The following SP140L variants were observed in gnomAD, a reference collection of about 807,000 sequenced individuals.
SP140L encodes nuclear body protein SP140-like protein.
SP140L carries 64 observed loss-of-function variants against 84.3 expected under a neutral mutation model. The ratio of observed to expected loss-of-function variants is 0.76; its 90% CI spans 0.62 to 0.94. The LOEUF (loss-of-function observed/expected upper bound fraction) is 0.94, where lower values mean the gene tolerates loss of function less well. Ranked by LOEUF, SP140L falls within the 40% of genes least tolerant of loss-of-function variation. SP140L has a pLI of 0.00. For missense variants in SP140L, 628 were observed against 692.5 expected (o/e 0.91, Z 1.05); for synonymous variants, 242 against 236.9 (o/e 1.02, Z -0.20).
chr2:230,389,422 T>C (rs902308654), intron 10 of SP140L, among the ~76,000 whole-genome samples: 2 of 152,048 alleles, frequency 1.3e-5, no homozygotes, highest in African/African-American at 4.8e-5. Context: ...GAGGGGAAAA[T>C]GGAGCAAAGC....
intron 2 of SP140L, among the ~76,000 whole-genome samples, chr2:230,334,337 G>T (rs921798281): frequency 6.6e-6 from 1 of 152,154 alleles, no homozygotes; most frequent in Non-Finnish European, 1.5e-5. Context: ...TGAAATGTTT[G>T]GTTGTCTCTT....
intron 8 of SP140L, 36 bp from the exon 9 acceptor site, chr2:230,385,188 A>G: frequency 6.2e-7 from 1 of 1,607,568 alleles, no homozygotes. Context: ...TGTTCTGCCC[A>G]GTTCTATTAA....
chr2:230,330,866 A>G (rs2059706438), intron 2 of SP140L, among the ~76,000 whole-genome samples: 1 of 152,196 alleles, frequency 6.6e-6, no homozygotes, highest in Non-Finnish European at 1.5e-5. Flanking sequence ...GTGTGATGAA[A>G]TCTCACGCTG....
intron 7 of SP140L, among the ~76,000 whole-genome samples, chr2:230,373,340 A>G (rs1273838131): frequency 6.6e-6 from 1 of 152,240 alleles, no homozygotes; most frequent in Non-Finnish European, 1.5e-5. Flanking sequence ...AGGAGAAGTC[A>G]ATGCCTGGAT....
chr2:230,345,579 GTTC>G (rs2060183691), intron 2 of SP140L, among the ~76,000 whole-genome samples: 2 of 145,376 alleles, frequency 1.4e-5, no homozygotes, highest in African/African-American at 5.2e-5. Context: ...CTGTTTTGTA[GTTC>G]TTTTTTTTTT....
intron 16 of SP140L, 107 bp from the exon 17 acceptor site, chr2:230,401,259 T>C: frequency 6.3e-7 from 1 of 1,589,572 alleles, no homozygotes; most frequent in Non-Finnish European, 8.6e-7. Context: ...GAGCCACACA[T>C]GTTAGAGAAA....
rs771867082 is a variant in SP140L, at chr2:230,401,461, C to T, written c.1500+18C>T. 7.0e-7 allele frequency: 1 copy of T among 1,436,826 alleles called. No homozygotes were observed. The highest frequency in any genetic ancestry group is 2.3e-5 in the East Asian group (1 of 43,766). 89.0% of individuals were successfully genotyped at this position (1,436,826 alleles called of 1,614,324 possible). On this transcript the variant is annotated intron_variant, in intron 17 of 18. Transcript: ENST00000415673. Reference sequence around the variant, plus strand: ...ATTATTATGTAAGTAACAACAGCAACCCATGATTACAGGCTGCCATGACAT... The same window carrying T: ...ATTATTATGTAAGTAACAACAGCAATCCATGATTACAGGCTGCCATGACAT...
chr2:230,361,616 A>C lies in SP140L; in HGVS notation c.442A>C (p.Ile148Leu). 1 of 1,557,662 alleles carries C rather than the reference A, an allele frequency of 6.4e-7. No homozygotes were observed. Among genetic ancestry groups the C allele is most frequent in the Non-Finnish European group, 8.7e-7 (1 of 1,149,584 alleles). Residue 148 changes from isoleucine (I) to leucine (L), a missense_variant and splice_region_variant, in exon 5 of 19, where the codon ATC becomes CTC. Physicochemically the swap from Ile to Leu is conservative, Grantham distance 5. Coordinates refer to ENST00000415673, the MANE Select transcript of SP140L (RefSeq NM_138402.6). ...IHIYKSFKNA[I>L]QDKLSFQESD... ...TTCTTCTCTCTCCCACTCTTCAGCA[A>C]TCCAAGACAAATTGTCTTTCCAAGA...
chr2:230,402,965 C>A lies in SP140L; in HGVS notation c.*69C>A. On this transcript the variant is annotated 3_prime_UTR_variant, in exon 19 of 19. Transcript: ENST00000415673. ...GTTGCCACTGACTTCAAACTGAGAG[C>A]ACTTGGGAAATAGCACATGCAGGGA... 3 of 1,304,902 alleles carry A rather than the reference C, an allele frequency of 2.3e-6. No individual in the cohort carries two copies. The highest frequency in any genetic ancestry group is 2.2e-5 in the Admixed American group (1 of 44,898). 80.8% of individuals were successfully genotyped at this position (1,304,902 alleles called of 1,614,324 possible).
intron 5 of SP140L, among the ~76,000 whole-genome samples, chr2:230,369,145 A>G (rs536610788): frequency 6.6e-6 from 1 of 152,346 alleles, no homozygotes; most frequent in East Asian, 1.9e-4. Flanking sequence ...TAGGAATTAC[A>G]TCTTGCATAG....
Position 230,400,126 on chromosome 2 carries a change from G to C in SP140L, c.1198-1G>C, listed in dbSNP as rs781390160. On this transcript the variant is annotated splice_acceptor_variant, in intron 14 of 18. Coordinates refer to ENST00000415673, the MANE Select transcript of SP140L (RefSeq NM_138402.6). LOFTEE classifies it high-confidence loss of function. ...GACGTGGACACTGTTTTACCTTCTA[G>C]ATGAGAAACTTGGATGAGTGTGAGG... The C allele has an allele frequency of 6.2e-6, 10 of 1,614,096 alleles. No homozygotes were observed. The highest frequency in any genetic ancestry group is 8.5e-6 in the Non-Finnish European group (10 of 1,179,998).
intron 4 of SP140L, 109 bp downstream of exon 4, chr2:230,359,241 G>C (rs924759069): frequency 2.1e-6 from 2 of 964,614 alleles, no homozygotes; most frequent in Admixed American, 5.0e-5. Context: ...AGTGGGCATA[G>C]AGTAGTTAAC....
intron 2 of SP140L, among the ~76,000 whole-genome samples, chr2:230,340,793 T>C (rs2060016859): frequency 7.5e-6 from 1 of 134,050 alleles, no homozygotes; most frequent in Non-Finnish European, 1.6e-5. Flanking sequence ...TGAAAATTCT[T>C]TTCTTTAAGA....
At chr2:230,371,038 A>G in intron 6 of SP140L, 71 bp downstream of exon 6, 1 of 1,341,010 alleles carries the variant, frequency 7.5e-7, no homozygotes, top group Non-Finnish European at 1.1e-6. Flanking sequence ...GAGTGGAGGC[A>G]GGTGCTCCAG....
intron 15 of SP140L, 150 bp from the exon 16 acceptor site, chr2:230,400,805 A>G (rs1475101933): frequency 4.1e-5 from 64 of 1,553,666 alleles, no homozygotes; most frequent in Non-Finnish European, 5.1e-5. Context: ...TGGAGACCCC[A>G]TGTGCAGTTC....
chr2:230,398,245 G>A (rs145453905), intron 14 of SP140L, among the ~76,000 whole-genome samples: 1 of 152,308 alleles, frequency 6.6e-6, no homozygotes, highest in Non-Finnish European at 1.5e-5. Flanking sequence ...CAGTGCCTGT[G>A]CCTCAACCCT....
chr2:230,343,270 T>A (rs565251977), intron 2 of SP140L, among the ~76,000 whole-genome samples: 7 of 147,808 alleles, frequency 4.7e-5, no homozygotes, highest in African/African-American at 1.5e-4. Context: ...GAGTGTGTTG[T>A]TCCTCCCATG....
intron 2 of SP140L, among the ~76,000 whole-genome samples, chr2:230,353,668 C>T (rs2060433385): frequency 6.6e-6 from 1 of 152,058 alleles, no homozygotes; most frequent in Admixed American, 6.5e-5. Context: ...GTATCAATAT[C>T]ATCAATATTG....
chr2:230,369,112 C>T (rs2060975114), intron 5 of SP140L, among the ~76,000 whole-genome samples: 1 of 152,190 alleles, frequency 6.6e-6, no homozygotes. Context: ...TCTGGGAAAG[C>T]CTTTCACCCT....
Sources: gnomAD v4.1 joint callset for allele counts (sites outside exome capture counted in the v4.1 genomes callset) on GRCh38, gnomAD v4.1.1 for gene constraint, MANE v1.5 for transcripts, NCBI Gene and HGNC (gene_info 2026-07-23, HGNC 2026-07-21) for gene names.